The following TRPC4AP variants were observed in gnomAD, a reference collection of about 807,000 sequenced individuals.
TRPC4AP encodes the protein transient receptor potential cation channel subfamily C member 4 associated protein.
In TRPC4AP, 45 loss-of-function variants were observed where a neutral mutation model predicts 99.0. The ratio of observed to expected loss-of-function variants is 0.45; its 90% CI spans 0.36 to 0.58. TRPC4AP has a LOEUF of 0.58. TRPC4AP is among the 20% of genes least tolerant of loss of function. The pLI is 0.00. For synonymous variants in TRPC4AP, 408 were observed against 385.8 expected (o/e 1.06, Z -0.67); for missense variants, 879 against 985.3 (o/e 0.89, Z 1.44).
At chr20:35,071,122 CTCT>C (rs1274903212) in intron 2 of TRPC4AP, among the ~76,000 whole-genome samples, 2 of 152,104 alleles carry the variant, frequency 1.3e-5, no homozygotes, top group African/African-American at 4.8e-5. Context: ...ATGAAAATGT[CTCT>C]TCTTAAACGT....
chr20:35,044,400 G>GAAAAA (rs11483863), intron 7 of TRPC4AP, 105 bp downstream of exon 7: 38 of 880,858 alleles, frequency 4.3e-5, no homozygotes, highest in South Asian at 1.2e-4. Context: ...CTCAAAAAAG[G>GAAAAA]AAAAAAAAAA....
At chr20:35,025,603 GTTT>G (rs373722628) in intron 8 of TRPC4AP, among the ~76,000 whole-genome samples, 1 of 151,930 alleles carries the variant, frequency 6.6e-6, no homozygotes, top group East Asian at 1.9e-4. Context: ...TTTGAAATGG[GTTT>G]TTTTATTATT....
chr20:35,066,827 G>A (rs185827993), intron 3 of TRPC4AP, among the ~76,000 whole-genome samples: 18 of 151,586 alleles, frequency 1.2e-4, no homozygotes, highest in Admixed American at 3.3e-4. Context: ...AAATGACAAA[G>A]GCCTTTAAAA....
At chr20:35,056,102 G>A (rs2083819801) in intron 4 of TRPC4AP, among the ~76,000 whole-genome samples, 1 of 152,194 alleles carries the variant, frequency 6.6e-6, no homozygotes. Context: ...TAGATGGGTT[G>A]TCTCATAATC....
At chr20:35,092,548 TC>T in intron 1 of TRPC4AP, 65 bp downstream of exon 1, 2 of 1,412,848 alleles carry the variant, frequency 1.4e-6, no homozygotes, top group Admixed American at 3.2e-5. Flanking sequence ...AAAGGCCTCT[TC>T]CCCGGCCCCC....
chr20:35,032,594 T>C (rs1187368836), intron 8 of TRPC4AP, among the ~76,000 whole-genome samples: 3 of 148,472 alleles, frequency 2.0e-5, no homozygotes, highest in African/African-American at 5.0e-5. Flanking sequence ...GCCTCAGGCC[T>C]CCCCAGTAGC....
chr20:35,007,724 G>GTTGCC, intron 13 of TRPC4AP, 84 bp from the exon 14 acceptor site: 1 of 1,416,486 alleles, frequency 7.1e-7, no homozygotes, highest in South Asian at 1.2e-5. Flanking sequence ...GGAGATGTTT[G>GTTGCC]TTGCCTTTTC....
intron 3 of TRPC4AP, among the ~76,000 whole-genome samples, chr20:35,062,102 T>C (rs138197829): frequency 1.4e-4 from 21 of 152,314 alleles, no homozygotes; most frequent in Non-Finnish European, 2.5e-4. Context: ...CACAATGAGA[T>C]ACCTCTTCAT....
At chr20:35,020,627 C>T (rs2147295076) in intron 9 of TRPC4AP, among the ~76,000 whole-genome samples, 1 of 152,254 alleles carries the variant, frequency 6.6e-6, no homozygotes, top group African/African-American at 2.4e-5. Context: ...TTGGTTTCCT[C>T]CCTAGAAGGG....
At chr20:35,012,005 C>A (rs1296420244) in intron 11 of TRPC4AP, among the ~76,000 whole-genome samples, 1 of 152,226 alleles carries the variant, frequency 6.6e-6, no homozygotes, top group Admixed American at 6.5e-5. Flanking sequence ...AGAGCAGGGG[C>A]CATGGCTGTT....
intron 7 of TRPC4AP, among the ~76,000 whole-genome samples, chr20:35,037,014 T>C (rs1206243139): frequency 6.6e-6 from 1 of 151,322 alleles, no homozygotes; most frequent in African/African-American, 2.4e-5. Flanking sequence ...TATAAGATGA[T>C]GTTTGACCTT....
chr20:35,044,399 G>GAA, intron 7 of TRPC4AP, 106 bp downstream of exon 7: 2 of 940,804 alleles, frequency 2.1e-6, no homozygotes, highest in African/African-American at 2.6e-5. Flanking sequence ...TCTCAAAAAA[G>GAA]GAAAAAAAAA....
chr20:35,069,481 G>C (rs1159884636), intron 2 of TRPC4AP, 69 bp from the exon 3 acceptor site: 2 of 1,000,434 alleles, frequency 2.0e-6, no homozygotes, highest in Non-Finnish European at 3.1e-6. Context: ...TAAAGCATCA[G>C]TTTGAGCTTT....
chr20:35,034,139 G>A lies in TRPC4AP; in HGVS notation c.1051+984C>T, dbSNP rs1356875605. 4.6e-4 allele frequency among the ~76,000 whole-genome samples: 4 copies of A among 8,628 alleles called. 1 individual carries two copies. The highest frequency in any genetic ancestry group is 9.4e-4 in the African/African-American group (3 of 3,178). The allele number at this position is 8,628 out of a possible 152,430, so 5.7% of individuals were successfully genotyped here. A position where few individuals can be genotyped will look rare whatever the true frequency, so the allele number is the denominator to read the frequency against. On this transcript the variant is annotated intron_variant, in intron 8 of 18. Transcript: ENST00000252015. Reference sequence around the variant, plus strand: ...CGCAGTCCGACCTGGGCGACAGAGCGAGACTCCGTCTCAAAAAAAAAAAAA... The same window carrying A: ...CGCAGTCCGACCTGGGCGACAGAGCAAGACTCCGTCTCAAAAAAAAAAAAA...
intron 16 of TRPC4AP, among the ~76,000 whole-genome samples, chr20:35,005,379 G>A (rs1259437532): frequency 6.6e-6 from 1 of 152,218 alleles, no homozygotes; most frequent in Non-Finnish European, 1.5e-5. Flanking sequence ...CTGCACCACA[G>A]GGCACCTGCG....
chr20:35,021,243 G>A lies in TRPC4AP; in HGVS notation c.1165C>T (p.Leu389=), dbSNP rs1403422929. Residue 389 remains leucine, a synonymous_variant, in exon 9 of 19, where the codon CTG becomes TTG. Coordinates refer to ENST00000252015, the MANE Select transcript of TRPC4AP (RefSeq NM_015638.3). ...ACGCAGAGGACATAGAGCACTTCCAGTTTGTACATGATCTCATGCATAATC... is the reference window on the plus strand; with the variant it reads ...ACGCAGAGGACATAGAGCACTTCCAATTTGTACATGATCTCATGCATAATC... ...MKIMHEIMYK[L]EVLYVLCVLL... is the part of the protein sequence containing the mutation. 1 of 1,614,146 alleles carries A rather than the reference G, an allele frequency of 6.2e-7. No homozygotes were observed. Among genetic ancestry groups the A allele is most frequent in the South Asian group, 1.1e-5 (1 of 91,086 alleles).
At chr20:35,038,951 G>A (rs2083387458) in intron 7 of TRPC4AP, among the ~76,000 whole-genome samples, 1 of 152,198 alleles carries the variant, frequency 6.6e-6, no homozygotes, top group Non-Finnish European at 1.5e-5. Context: ...GCGCATGCCT[G>A]TAGTCCCAGC....
Position 35,068,978 on chromosome 20 carries a change from C to CACAAA in TRPC4AP, c.414+317_414+318insTTTGT, listed in dbSNP as rs748790693. Among the ~76,000 whole-genome samples the CACAAA allele has an allele frequency of 1.2e-3, 114 of 95,186 alleles. 1 individual carries two copies. Among genetic ancestry groups the CACAAA allele is most frequent in the African/African-American group, 4.1e-3 (101 of 24,924 alleles). 62.4% of individuals were successfully genotyped at this position (95,186 alleles called of 152,430 possible). A position where few individuals can be genotyped will look rare whatever the true frequency, so the allele number is the denominator to read the frequency against. ...ACACACACACACACACACACACACA[C>CACAAA]AAAAAAAACAAAACATCTTAAGCAG... On this transcript the variant is annotated intron_variant, in intron 3 of 18. Transcript: ENST00000252015.
Position 35,008,723 on chromosome 20 carries a change from C to A in TRPC4AP, c.1536G>T (p.Arg512Ser). 4 of 1,613,988 alleles carry A rather than the reference C, an allele frequency of 2.5e-6. No individual in the cohort carries two copies. The highest frequency in any genetic ancestry group is 3.4e-6 in the Non-Finnish European group (4 of 1,179,960). The part of the protein sequence containing the change: ...TDRSLVCDGK[R>S]GLLTRLLQVM... ...CCTGCAGCAGACGAGTTAATAAGCC[C>A]CTCTTCCCATCACACACCAAACTCC... Residue 512 changes from arginine (R) to serine (S), a missense_variant, in exon 13 of 19, where the codon AGG (arginine) becomes AGT (serine). By Grantham distance (110) the Arg-to-Ser change is moderately radical. Transcript: ENST00000252015.
Sources: gnomAD v4.1 joint callset for allele counts (sites outside exome capture counted in the v4.1 genomes callset) on GRCh38, gnomAD v4.1.1 for gene constraint, MANE v1.5 for transcripts, NCBI Gene and HGNC (gene_info 2026-07-23, HGNC 2026-07-21) for gene names.